Variants in F13B observed in about 807,000 individuals in gnomAD.
F13B encodes the protein coagulation factor XIII B chain.
A neutral mutation model predicts 79.8 loss-of-function variants in F13B; 58 were observed. The observed-to-expected ratio is 0.73, with a 90% CI of 0.59 to 0.90. F13B has a LOEUF of 0.90. Among genes scored for constraint, F13B ranks in the 40% least tolerant of loss-of-function variants. F13B has a pLI of 0.00. For missense variants in F13B, 773 were observed against 777.0 expected, an observed-to-expected ratio of 0.99 and a Z score of 0.06; for synonymous variants, 283 against 260.3, an observed-to-expected ratio of 1.09 and a Z score of -0.84.
chr1:197,050,630 T>A, intron 10 of F13B, 67 bp downstream of exon 10: 1 of 1,429,756 alleles, frequency 7.0e-7, no homozygotes, highest in Non-Finnish European at 9.8e-7. Flanking sequence ...TTATGTTAAC[T>A]CAAAAATGAC....
chr1:197,061,750 A>T lies in F13B; in HGVS notation c.451+34T>A, dbSNP rs1268933361. The T allele has an allele frequency of 1.9e-6, 3 of 1,561,346 alleles. No homozygotes were observed. The East Asian group carries it at 6.7e-5, about 35-fold the overall frequency. On this transcript the variant is annotated intron_variant, in intron 3 of 11. Transcript: ENST00000367412. Reference sequence around the variant, plus strand: ...TATATTCAATATAAGCTTGATAAGCACTTATCTTCAGTTTTAGGAAATGAT... The same window carrying T: ...TATATTCAATATAAGCTTGATAAGCTCTTATCTTCAGTTTTAGGAAATGAT...
chr1:197,050,338 C>T (rs557399800), intron 10 of F13B, among the ~76,000 whole-genome samples: 72 of 152,218 alleles, frequency 4.7e-4, no homozygotes, highest in African/African-American at 1.7e-3. Flanking sequence ...TTGTCCATTT[C>T]TTTATTTCCG....
chr1:197,060,425 C>A lies in F13B; in HGVS notation c.746G>T (p.Gly249Val), dbSNP rs755320586. ...GTTATAGCATTGAATTAAATCAGAT[C>A]CACTTAGATAATAATTTTCATGACA... ...FFCHENYYLS[G>V]SDLIQCYNFG... Residue 249 changes from glycine to valine, a missense_variant, in exon 5 of 12, where the codon GGA becomes GTA. Physicochemically the swap from Gly to Val is moderately radical, Grantham distance 109. Transcript: ENST00000367412. The A allele has an allele frequency of 2.9e-5, 46 of 1,611,700 alleles. No individual in the cohort carries two copies. The Admixed American group carries it at 7.7e-4, about 27-fold the overall frequency.
At position 197,050,697 on chromosome 1, in the gene F13B, C is replaced by A; in HGVS notation, c.1738G>T (p.Glu580Ter). 1 of 1,612,534 alleles carries A rather than the reference C, an allele frequency of 6.2e-7. No homozygotes were observed. Residue 580 changes from glutamate to a stop codon, truncating the protein, a stop_gained and splice_region_variant, in exon 10 of 12, where the codon GAG becomes TAG. Coordinates refer to ENST00000367412, the MANE Select transcript of F13B (RefSeq NM_001994.3). LOFTEE classifies it high-confidence loss of function. ...TAGAGGCATATTTAGTAGTACATACCTAAACACAATGGTGGTGTAGTCCAC... is the reference window on the plus strand; with the variant it reads ...TAGAGGCATATTTAGTAGTACATACATAAACACAATGGTGGTGTAGTCCAC... Reference protein sequence around the residue: ...GMWTTPPLCLEPCTLSFTEME... With the variant: ...GMWTTPPLCL
chr1:197,046,450 C>A (rs1655233702), intron 10 of F13B, among the ~76,000 whole-genome samples: 1 of 152,142 alleles, frequency 6.6e-6, no homozygotes, highest in Admixed American at 6.5e-5. Flanking sequence ...AGGAATCCAA[C>A]TTACAAGGGA....
intron 11 of F13B, among the ~76,000 whole-genome samples, chr1:197,039,809 C>A (rs1571546127): frequency 6.6e-6 from 1 of 151,948 alleles, no homozygotes; most frequent in South Asian, 2.1e-4. Context: ...AAAAAACTGA[C>A]TTTATGTAGT....
chr1:197,039,614 T>A (rs980984602), intron 11 of F13B, among the ~76,000 whole-genome samples: 9 of 152,110 alleles, frequency 5.9e-5, no homozygotes, highest in African/African-American at 2.2e-4. Flanking sequence ...CATGATTTTT[T>A]AAATATTTTC....
At chr1:197,057,524 T>C (rs773180237) in intron 5 of F13B, 59 bp from the exon 6 acceptor site, 3 of 1,503,556 alleles carry the variant, frequency 2.0e-6, no homozygotes, top group Non-Finnish European at 1.8e-6. Context: ...TAATAAAGAT[T>C]AAATTAAAAT....
At chr1:197,063,594 A>G (rs1655946447) in intron 1 of F13B, among the ~76,000 whole-genome samples, 1 of 152,160 alleles carries the variant, frequency 6.6e-6, no homozygotes, top group Non-Finnish European at 1.5e-5. Context: ...CACTAGGATT[A>G]CAAGACTTGA....
At chr1:197,046,947 G>A (rs1001077377) in intron 10 of F13B, among the ~76,000 whole-genome samples, 1 of 152,110 alleles carries the variant, frequency 6.6e-6, no homozygotes, top group Middle Eastern at 3.2e-3. Flanking sequence ...TGGGAAAACT[G>A]GCTAGCCATA....
Position 197,041,986 on chromosome 1 carries a change from G to A in F13B, c.1739-1251C>T, listed in dbSNP as rs187711596. On this transcript the variant is annotated intron_variant, in intron 10 of 11. Coordinates refer to ENST00000367412, the MANE Select transcript of F13B (RefSeq NM_001994.3). ...TTACAGCTTCTTTTTAGCATATCTG[G>A]GGCAGGAAGGATGGAATGGCATGAA... Among the ~76,000 whole-genome samples the A allele has an allele frequency of 8.3e-4, 127 of 152,168 alleles. 1 individual carries two copies. The highest frequency in any genetic ancestry group is 6.8e-3 in the Middle Eastern group (2 of 294).
chr1:197,049,611 G>T (rs1443702149), intron 10 of F13B, among the ~76,000 whole-genome samples: 1 of 151,934 alleles, frequency 6.6e-6, no homozygotes, highest in East Asian at 1.9e-4. Context: ...AGTCCCAGAT[G>T]GCTTCTCTGG....
Position 197,038,787 on chromosome 1 carries a change from G to C in F13B, c.*591C>G, listed in dbSNP as rs1654934174. On this transcript the variant is annotated 3_prime_UTR_variant, in exon 12 of 12. Coordinates refer to ENST00000367412, the MANE Select transcript of F13B (RefSeq NM_001994.3). ...TAATTGTGTCTCTTTAACAATATTT[G>C]AGCACATGTTCAAATATGGTAGTAC... Among the ~76,000 whole-genome samples the C allele has an allele frequency of 6.6e-6, 1 of 151,834 alleles. No homozygotes were observed. Among genetic ancestry groups the C allele is most frequent in the Non-Finnish European group, 1.5e-5 (1 of 67,952 alleles).
Position 197,060,405 on chromosome 1 carries a change from A to G in F13B, c.766T>C (p.Tyr256His), listed in dbSNP as rs760431630. The G allele has an allele frequency of 1.1e-5, 17 of 1,612,604 alleles. No individual in the cohort carries two copies. In the South Asian group the frequency reaches 1.9e-4, roughly 18 times the overall value. The change falls in exon 5 of 12, where the codon TAT (tyrosine) becomes CAT (histidine). Residue 256 changes from tyrosine (Y) to histidine (H), a missense_variant. By Grantham distance (83) the Tyr-to-His change is moderately conservative. Coordinates refer to ENST00000367412, the MANE Select transcript of F13B (RefSeq NM_001994.3). ...GATTCTGGGTACCAACCAAAGTTATAGCATTGAATTAAATCAGATCCACTT... is the reference window on the plus strand; with the variant it reads ...GATTCTGGGTACCAACCAAAGTTATGGCATTGAATTAAATCAGATCCACTT... ...YLSGSDLIQC[Y>H]NFGWYPESPV...
Position 197,039,004 on chromosome 1 carries a change from G to C in F13B, c.*374C>G, listed in dbSNP as rs1654941159. On this transcript the variant is annotated 3_prime_UTR_variant, in exon 12 of 12. Transcript: ENST00000367412. Reference sequence around the variant, plus strand: ...ATAGTGACATAAACTTTGAATTAAGGGTAACAAAAGCCTTAATATTAATAA... The same window carrying C: ...ATAGTGACATAAACTTTGAATTAAGCGTAACAAAAGCCTTAATATTAATAA... Among the ~76,000 whole-genome samples, 1 of 151,830 alleles carries C rather than the reference G, an allele frequency of 6.6e-6. No individual in the cohort carries two copies. The highest frequency in any genetic ancestry group is 2.4e-5 in the African/African-American group (1 of 41,342).
intron 2 of F13B, 64 bp downstream of exon 2, chr1:197,062,793 C>T: frequency 1.3e-6 from 2 of 1,494,702 alleles, no homozygotes; most frequent in Non-Finnish European, 1.9e-6. Flanking sequence ...TTATTGGACC[C>T]CTATTTTTAT....
chr1:197,047,994 G>A (rs1357066594), intron 10 of F13B, among the ~76,000 whole-genome samples: 3 of 152,088 alleles, frequency 2.0e-5, no homozygotes, highest in African/African-American at 7.2e-5. Context: ...CTGTCTGTGG[G>A]GGTCTGGGGG....
At position 197,038,772 on chromosome 1, in the gene F13B, T is replaced by C. The variant is rs138458546; in HGVS notation, c.*606A>G. ...GGGTCATTCTTTCTTTAATTGTGTC[T>C]CTTTAACAATATTTGAGCACATGTT... On this transcript the variant is annotated 3_prime_UTR_variant, in exon 12 of 12. Coordinates refer to ENST00000367412, the MANE Select transcript of F13B (RefSeq NM_001994.3). Among the ~76,000 whole-genome samples the C allele has an allele frequency of 3.7e-3, 567 of 152,054 alleles. 3 individuals are homozygous for C. Among genetic ancestry groups the C allele is most frequent in the African/African-American group, 0.013 (539 of 41,570 alleles).
chr1:197,048,205 C>T (rs1348912642), intron 10 of F13B, among the ~76,000 whole-genome samples: 5 of 150,086 alleles, frequency 3.3e-5, no homozygotes, highest in Non-Finnish European at 7.4e-5. Context: ...GGGAGATGAC[C>T]AATGGGATAT....
Sources: gnomAD v4.1 joint callset for allele counts (sites outside exome capture counted in the v4.1 genomes callset) on GRCh38, gnomAD v4.1.1 for gene constraint, MANE v1.5 for transcripts, NCBI Gene and HGNC (gene_info 2026-07-23, HGNC 2026-07-21) for gene names.